Variants in MRPL3 observed in about 807,000 individuals in gnomAD.
MRPL3 encodes mitochondrial ribosomal protein L3.
A neutral mutation model predicts 44.3 loss-of-function variants in MRPL3; 43 were observed. The observed-to-expected ratio is 0.97, with a 90% CI of 0.76 to 1.25. The LOEUF (loss-of-function observed/expected upper bound fraction) is 1.25, where lower values mean the gene tolerates loss of function less well. MRPL3 is among the 50% of genes most tolerant of loss of function. The pLI, the probability that MRPL3 is intolerant of heterozygous loss-of-function variation, is 0.00. For synonymous variants in MRPL3, 171 were observed against 152.3 expected, an observed-to-expected ratio of 1.12 and a Z score of -0.91; for missense variants, 406 against 427.6, an observed-to-expected ratio of 0.95 and a Z score of 0.45.
chr3:131,487,475 C>A, intron 6 of MRPL3: 3 of 497,198 alleles, frequency 6.0e-6, no homozygotes, highest in Non-Finnish European at 1.1e-5. Context: ...AAAATAAAAG[C>A]TATAACCTGA....
chr3:131,494,695 T>A (rs1207110870), intron 4 of MRPL3, among the ~76,000 whole-genome samples: 2 of 152,230 alleles, frequency 1.3e-5, no homozygotes, highest in Non-Finnish European at 2.9e-5. Context: ...TAGTAAATAC[T>A]TTTTTCTTTT....
At chr3:131,481,811 A>G (rs1445904933) in intron 6 of MRPL3, among the ~76,000 whole-genome samples, 1 of 152,250 alleles carries the variant, frequency 6.6e-6, no homozygotes, top group Non-Finnish European at 1.5e-5. Flanking sequence ...TAATACGTTA[A>G]AAACGTACTG....
At chr3:131,479,802 G>A (rs1483439437) in intron 6 of MRPL3, among the ~76,000 whole-genome samples, 3 of 152,148 alleles carry the variant, frequency 2.0e-5, no homozygotes, top group Admixed American at 6.5e-5. Flanking sequence ...CCGAGATCGC[G>A]CCGCTGCACT....
rs192467216 is a variant in MRPL3, at chr3:131,486,107, C to T, written c.629+1573G>A. 8.3e-3 allele frequency among the ~76,000 whole-genome samples: 1,255 copies of T among 152,108 alleles called. 15 individuals carry two copies. Among genetic ancestry groups the T allele is most frequent in the African/African-American group, 0.028 (1,181 of 41,490 alleles). Reference sequence around the variant, plus strand: ...AGGATTCCCTATTTAATAAATGGTGCTGGGAAAACTGGCTAGCCATATGTA... The same window carrying T: ...AGGATTCCCTATTTAATAAATGGTGTTGGGAAAACTGGCTAGCCATATGTA... On this transcript the variant is annotated intron_variant, in intron 6 of 9. Coordinates refer to ENST00000264995, the MANE Select transcript of MRPL3 (RefSeq NM_007208.4).
rs890250673 is a variant in MRPL3 at position 131,498,411 on chromosome 3, C to T, written c.370-134G>A. 8 of 543,750 alleles carry T rather than the reference C, an allele frequency of 1.5e-5. No individual in the cohort carries two copies. In the African/African-American group the frequency reaches 1.6e-4, roughly 11 times the overall value. The allele number at this position is 543,750 out of a possible 1,614,324, so 33.7% of individuals were successfully genotyped here. A position where few individuals can be genotyped will look rare whatever the true frequency, so the allele number is the denominator to read the frequency against. ...ACCTCATCTTTCCTCTAACACCAAC[C>T]ACAATCTTAAAAATATAAATTAAAA... On this transcript the variant is annotated intron_variant, in intron 3 of 9. Transcript: ENST00000264995.
chr3:131,484,950 T>C (rs1176555138), intron 6 of MRPL3, among the ~76,000 whole-genome samples: 1 of 152,172 alleles, frequency 6.6e-6, no homozygotes, highest in Non-Finnish European at 1.5e-5. Flanking sequence ...CAGTAAAAGT[T>C]AAACAGAATA....
intron 4 of MRPL3, among the ~76,000 whole-genome samples, chr3:131,492,774 C>T (rs903038916): frequency 1.3e-5 from 2 of 152,156 alleles, no homozygotes; most frequent in African/African-American, 4.8e-5. Context: ...CAGAGACTTG[C>T]TTTAGTTGCT....
chr3:131,463,521 A>C (rs1933537628), intron 9 of MRPL3, among the ~76,000 whole-genome samples: 1 of 152,052 alleles, frequency 6.6e-6, no homozygotes, highest in Non-Finnish European at 1.5e-5. Flanking sequence ...GCCTTAGTGC[A>C]TTTTTCTGCT....
chr3:131,466,282 C>T (rs1933599077), intron 9 of MRPL3, among the ~76,000 whole-genome samples: 1 of 152,022 alleles, frequency 6.6e-6, no homozygotes, highest in African/African-American at 2.4e-5. Flanking sequence ...TTCTTTGCTG[C>T]TATCATTGGA....
At position 131,498,285 on chromosome 3, in the gene MRPL3, A is replaced by C. The variant is rs1205719354; in HGVS notation, c.370-8T>G. ...GACATGACAGTCTTGTACCTAAAAA[A>C]ACAAACATAAAAAAACTAAGCATGT... is the stretch of plus-strand genomic sequence containing the variant. On this transcript the variant is annotated splice_region_variant and splice_polypyrimidine_tract_variant and intron_variant, in intron 3 of 9. Coordinates refer to ENST00000264995, the MANE Select transcript of MRPL3 (RefSeq NM_007208.4). The C allele has an allele frequency of 6.4e-7, 1 of 1,565,474 alleles. No homozygotes were observed. Among genetic ancestry groups the C allele is most frequent in the East Asian group, 2.2e-5 (1 of 44,662 alleles).
intron 6 of MRPL3, among the ~76,000 whole-genome samples, chr3:131,473,043 C>G (rs1274139026): frequency 1.3e-5 from 2 of 152,172 alleles, no homozygotes; most frequent in South Asian, 4.2e-4. Context: ...ACACTCTTCA[C>G]AGAAATAGAA....
chr3:131,466,934 G>A (rs934751443), intron 9 of MRPL3, among the ~76,000 whole-genome samples: 4 of 151,704 alleles, frequency 2.6e-5, no homozygotes, highest in Admixed American at 6.6e-5. Context: ...ACAGAATACC[G>A]GAATGTATTC....
chr3:131,462,518 A>G lies in MRPL3; in HGVS notation c.*205T>C, dbSNP rs760553766. ...CCCAACACCAATTTCAGCAAATCCAATCTACTTAACTCATATATTTAATGT... is the reference window on the plus strand; with the variant it reads ...CCCAACACCAATTTCAGCAAATCCAGTCTACTTAACTCATATATTTAATGT... On this transcript the variant is annotated 3_prime_UTR_variant, in exon 10 of 10. Coordinates refer to ENST00000264995, the MANE Select transcript of MRPL3 (RefSeq NM_007208.4). The G allele has an allele frequency of 1.2e-4, 50 of 400,056 alleles. No individual in the cohort carries two copies. The highest frequency in any genetic ancestry group is 2.0e-4 in the Non-Finnish European group (47 of 232,968). The allele number at this position is 400,056 out of a possible 1,614,324, so 24.8% of individuals were successfully genotyped here. A position where few individuals can be genotyped will look rare whatever the true frequency, so the allele number is the denominator to read the frequency against.
At chr3:131,467,255 T>TACACAC (rs756101728) in intron 9 of MRPL3, among the ~76,000 whole-genome samples, 1 of 129,702 alleles carries the variant, frequency 7.7e-6, no homozygotes, top group Non-Finnish European at 1.8e-5. Flanking sequence ...CACACACACA[T>TACACAC]ACACACACAC....
chr3:131,476,728 T>C (rs923668674), intron 6 of MRPL3, among the ~76,000 whole-genome samples: 1 of 152,222 alleles, frequency 6.6e-6, no homozygotes, highest in Non-Finnish European at 1.5e-5. Context: ...GAAACATTAT[T>C]GTCCTTGCTT....
intron 6 of MRPL3, among the ~76,000 whole-genome samples, chr3:131,483,528 T>C (rs1188608768): frequency 6.6e-6 from 1 of 152,152 alleles, no homozygotes; most frequent in Non-Finnish European, 1.5e-5. Flanking sequence ...AAATTATATA[T>C]TCACCTCACA....
chr3:131,500,458 C>T lies in MRPL3; in HGVS notation c.341G>A (p.Gly114Asp). 1.2e-6 allele frequency: 2 copies of T among 1,613,748 alleles called. No homozygotes were observed. Among genetic ancestry groups the T allele is most frequent in the Non-Finnish European group, 1.7e-6 (2 of 1,179,778 alleles). Residue 114 changes from glycine (G) to aspartate (D), a missense_variant, in exon 3 of 10, where the codon GGT (glycine) becomes GAT (aspartate). Coordinates refer to ENST00000264995, the MANE Select transcript of MRPL3 (RefSeq NM_007208.4). The part of the protein sequence containing the change: ...LGMMPLWTKD[G>D]QKHVVTLLQV... ...AAGTAATGTGACCACATGCTTTTGACCATCCTTGGTCCATAAAGGCATCAT... is the reference window on the plus strand; with the variant it reads ...AAGTAATGTGACCACATGCTTTTGATCATCCTTGGTCCATAAAGGCATCAT...
At chr3:131,487,499 C>T in intron 6 of MRPL3, 181 bp downstream of exon 6, 1 of 575,942 alleles carries the variant, frequency 1.7e-6, no homozygotes, top group Non-Finnish European at 3.1e-6. Flanking sequence ...GAACCCTTTA[C>T]ATACAATTAA....
chr3:131,465,885 TTC>T (rs142075119), intron 9 of MRPL3, among the ~76,000 whole-genome samples: 5,064 of 142,562 alleles, frequency 0.036, 123 homozygotes, highest in African/African-American at 0.12. Flanking sequence ...ATTTTTCTTT[TTC>T]TCTCTTTTTT....
Sources: allele counts gnomAD v4.1 joint callset (sites outside exome capture counted in the v4.1 genomes callset), GRCh38; gene constraint gnomAD v4.1.1; transcripts MANE v1.5; gene names NCBI Gene and HGNC (gene_info 2026-07-23, HGNC 2026-07-21).